TANC2: variants seen among roughly 807,000 people sequenced by gnomAD.
TANC2 encodes the protein tetratricopeptide repeat, ankyrin repeat and coiled-coil containing 2, also known as protein TANC2.
TANC2 carries 26 observed loss-of-function variants against 210.5 expected under a neutral mutation model. The observed-to-expected ratio is 0.12, with a 90% CI of 0.09 to 0.17. The LOEUF is 0.17. Among genes scored for constraint, TANC2 ranks in the 10% least tolerant of loss-of-function variants. The probability of loss-of-function intolerance (pLI) is 1.00; values close to 1 mark genes in which losing one functional copy is unlikely to be tolerated. For synonymous variants in TANC2, 931 were observed against 967.1 expected (o/e 0.96, Z 0.69); for missense variants, 2,129 against 2,608.9 (o/e 0.82, Z 4.01).
chr17:62,999,217 C>A lies in TANC2; in HGVS notation c.-23-10320C>A, dbSNP rs779560158. Among the ~76,000 whole-genome samples the A allele has an allele frequency of 5.4e-4, 82 of 152,182 alleles. 1 individual carries two copies. Among genetic ancestry groups the A allele is most frequent in the Non-Finnish European group, 5.9e-5 (4 of 68,032 alleles). ...GGCACCTCCCCCCAACACACACTGT[C>A]TCTCACTCCTGCTCTGGCCACTTCA... On this transcript the variant is annotated intron_variant, in intron 1 of 27. Coordinates refer to ENST00000689528, the Ensembl canonical transcript of TANC2.
At chr17:63,154,367 T>G (rs1422956282) in intron 5 of TANC2, 1 of 152,164 alleles carries the variant, frequency 6.6e-6, no homozygotes, top group African/African-American at 2.4e-5. Context: ...CATTCCTTAC[T>G]GTCCTTAGAT....
intron 8 of TANC2, among the ~76,000 whole-genome samples, chr17:63,253,058 A>G (rs555599085): frequency 6.6e-6 from 1 of 151,606 alleles, no homozygotes; most frequent in South Asian, 2.1e-4. Flanking sequence ...ATAGTGGCTG[A>G]CCTAATTTAC....
chr17:63,336,053 A>C (rs911218269), intron 11 of TANC2, among the ~76,000 whole-genome samples: 13 of 152,212 alleles, frequency 8.5e-5, no homozygotes, highest in Admixed American at 6.5e-4. Context: ...TAGTCCCAGC[A>C]TGAGGATTAG....
At chr17:63,350,327 C>G (rs928931134) in intron 12 of TANC2, among the ~76,000 whole-genome samples, 1 of 152,168 alleles carries the variant, frequency 6.6e-6, no homozygotes, top group Admixed American at 6.6e-5. Flanking sequence ...CCTTTCAGAG[C>G]CTGTGAGATC....
chr17:63,229,055 G>C (rs1160001821), intron 7 of TANC2, among the ~76,000 whole-genome samples: 3 of 152,064 alleles, frequency 2.0e-5, no homozygotes, highest in African/African-American at 7.2e-5. Flanking sequence ...TTATGATATT[G>C]GCCATGGGTT....
intron 15 of TANC2, among the ~76,000 whole-genome samples, chr17:63,383,546 TC>T (rs1185613347): frequency 1.3e-5 from 2 of 152,234 alleles, no homozygotes; most frequent in African/African-American, 4.8e-5. Context: ...ATAGTTCATT[TC>T]TTTTTATTGC....
intron 2 of TANC2, among the ~76,000 whole-genome samples, chr17:63,064,638 T>C (rs2036129321): frequency 6.6e-6 from 1 of 152,186 alleles, no homozygotes; most frequent in African/African-American, 2.4e-5. Flanking sequence ...CTTTTATATA[T>C]TTCCATCTTT....
At chr17:63,342,780 A>G (rs901924305) in intron 12 of TANC2, among the ~76,000 whole-genome samples, 3 of 152,206 alleles carry the variant, frequency 2.0e-5, no homozygotes, top group Non-Finnish European at 4.4e-5. Flanking sequence ...CGTCTCAAAA[A>G]AAAAAGAAAA....
At chr17:63,162,017 A>T (rs182920397) in intron 5 of TANC2, among the ~76,000 whole-genome samples, 1 of 152,128 alleles carries the variant, frequency 6.6e-6, no homozygotes, top group South Asian at 2.1e-4. Flanking sequence ...CAGAAATTTG[A>T]TTGCAGGCTG....
chr17:63,220,518 A>G (rs566298125), intron 7 of TANC2, among the ~76,000 whole-genome samples: 2 of 151,658 alleles, frequency 1.3e-5, no homozygotes, highest in South Asian at 4.2e-4. Context: ...CCTGGCCAGC[A>G]TGGTGAAACC....
chr17:63,103,506 T>TA, intron 4 of TANC2, among the ~76,000 whole-genome samples: 1 of 152,244 alleles, frequency 6.6e-6, no homozygotes, highest in South Asian at 2.1e-4. Context: ...ACTGTTTGGG[T>TA]TTATATCCCA....
At chr17:63,098,455 CACACACACACACACACACACACACA>C (rs2037475539) in intron 3 of TANC2, among the ~76,000 whole-genome samples, 1 of 70,042 alleles carries the variant, frequency 1.4e-5, no homozygotes, top group African/African-American at 1.3e-4. Context: ...CACACACACA[CACACACACACACACACACACACACA>C]TACACTCTCT....
At chr17:63,031,206 A>T (rs528977292) in intron 2 of TANC2, among the ~76,000 whole-genome samples, 3 of 152,244 alleles carry the variant, frequency 2.0e-5, no homozygotes, top group African/African-American at 7.2e-5. Flanking sequence ...ATTTGCTCCT[A>T]TTTAATTTCT....
At chr17:63,376,804 C>T (rs1205650415) in intron 14 of TANC2, among the ~76,000 whole-genome samples, 1 of 150,768 alleles carries the variant, frequency 6.6e-6, no homozygotes, top group Non-Finnish European at 1.5e-5. Context: ...CTGGAAATTG[C>T]CACTGTACTC....
intron 11 of TANC2, among the ~76,000 whole-genome samples, chr17:63,327,641 G>A (rs1437176193): frequency 1.3e-5 from 2 of 151,434 alleles, no homozygotes; most frequent in African/African-American, 2.4e-5. Flanking sequence ...TGTGTTCATC[G>A]CAGCACTTTT....
intron 1 of TANC2, among the ~76,000 whole-genome samples, chr17:63,005,759 T>C (rs1319501396): frequency 6.6e-6 from 1 of 152,126 alleles, no homozygotes; most frequent in Non-Finnish European, 1.5e-5. Context: ...GGGATTAATA[T>C]CATGCAATAC....
At chr17:63,138,297 T>G (rs2039163886) in intron 4 of TANC2, among the ~76,000 whole-genome samples, 3 of 152,178 alleles carry the variant, frequency 2.0e-5, no homozygotes, top group African/African-American at 7.2e-5. Context: ...GCTACTGAGA[T>G]AAAGTTGTTT....
intron 2 of TANC2, among the ~76,000 whole-genome samples, chr17:63,040,703 G>A (rs2035153067): frequency 6.6e-6 from 1 of 152,138 alleles, no homozygotes; most frequent in African/African-American, 2.4e-5. Context: ...CAGTATTTAA[G>A]TTATGCAGCA....
chr17:63,048,462 C>A (rs779577639), intron 2 of TANC2, among the ~76,000 whole-genome samples: 1 of 152,104 alleles, frequency 6.6e-6, no homozygotes, highest in Non-Finnish European at 1.5e-5. Context: ...TTTAATCCAT[C>A]TTGATTTGAT....
Sources: allele counts gnomAD v4.1 joint callset (sites outside exome capture counted in the v4.1 genomes callset), GRCh38; gene constraint gnomAD v4.1.1; transcripts MANE v1.5; gene names NCBI Gene and HGNC (gene_info 2026-07-23, HGNC 2026-07-21).